ABCA4: variants seen among roughly 807,000 people sequenced by gnomAD.
ABCA4 encodes ATP binding cassette subfamily A member 4.
ABCA4 carries 196 observed loss-of-function variants against 263.7 expected under a neutral mutation model. The ratio of observed to expected loss-of-function variants is 0.74; its 90% confidence interval spans 0.66 to 0.84. The LOEUF is 0.84. Among genes scored for constraint, ABCA4 ranks in the 40% least tolerant of loss-of-function variants. The probability of loss-of-function intolerance (pLI) is 0.00; values close to 1 mark genes in which losing one functional copy is unlikely to be tolerated. For missense variants in ABCA4, 2,792 were observed against 2,855.1 expected (o/e 0.98, Z 0.50); for synonymous variants, 1,133 against 1,094.2 (o/e 1.04, Z -0.70).
intron 28 of ABCA4, 99 bp downstream of exon 28, chr1:94,030,897 A>G: frequency 6.5e-7 from 1 of 1,529,026 alleles, no homozygotes; most frequent in Middle Eastern, 2.2e-4. Context: ...TCATTGGTGA[A>G]GGTCCCAGTG....
intron 11 of ABCA4, among the ~76,000 whole-genome samples, chr1:94,073,454 A>G (rs982348565): frequency 6.6e-6 from 1 of 152,156 alleles, no homozygotes; most frequent in African/African-American, 2.4e-5. Flanking sequence ...GGAGGCACTA[A>G]CATCATTTCC....
intron 26 of ABCA4, among the ~76,000 whole-genome samples, chr1:94,034,968 T>G (rs1660302781): frequency 6.6e-6 from 1 of 152,182 alleles, no homozygotes. Flanking sequence ...ATTTTGCAGA[T>G]GGGGAAACAG....
Position 94,066,401 on chromosome 1 carries a change from A to G in ABCA4, c.1555-3084T>C, listed in dbSNP as rs182816737. Among the ~76,000 whole-genome samples, 45 of 152,382 alleles carry G rather than the reference A, an allele frequency of 3.0e-4. No individual in the cohort carries two copies. In the East Asian group the frequency reaches 8.3e-3, roughly 28 times the overall value. On this transcript the variant is annotated intron_variant, in intron 11 of 49. Coordinates refer to ENST00000370225, the MANE Select transcript of ABCA4 (RefSeq NM_000350.3). Reference sequence around the variant, plus strand: ...ATTGGTTTGTCAAGTTTAGAACTGCATATAGAGAATTTTAGTATTGGCAAT... The same window carrying G: ...ATTGGTTTGTCAAGTTTAGAACTGCGTATAGAGAATTTTAGTATTGGCAAT...
intron 46 of ABCA4, 34 bp from the exon 47 acceptor site, chr1:94,000,962 G>A (rs753202127): frequency 6.2e-7 from 1 of 1,613,906 alleles, no homozygotes; most frequent in South Asian, 1.1e-5. Context: ...GAGCAGGAGA[G>A]GATTCCCACC....
At chr1:94,115,721 G>GGTCAGGTTCAGAGATCCAGCAGCAGCCT (rs1662740851) in intron 1 of ABCA4, among the ~76,000 whole-genome samples, 1 of 152,200 alleles carries the variant, frequency 6.6e-6, no homozygotes, top group Admixed American at 6.5e-5. Context: ...ATAAACATGA[G>GGTCAGGTTCAGAGATCCAGCAGCAGCCT]CCATTTGTTA....
intron 30 of ABCA4, among the ~76,000 whole-genome samples, chr1:94,029,100 C>T (rs1357062508): frequency 5.4e-5 from 6 of 110,764 alleles, no homozygotes; most frequent in Admixed American, 5.0e-4. Context: ...GTGTTTATAT[C>T]CAAGCGATGA....
intron 11 of ABCA4, among the ~76,000 whole-genome samples, chr1:94,074,172 G>A (rs926502586): frequency 3.9e-5 from 6 of 152,128 alleles, no homozygotes; most frequent in African/African-American, 1.4e-4. Flanking sequence ...CAGACACATA[G>A]ACCAATGGAA....
intron 1 of ABCA4, among the ~76,000 whole-genome samples, chr1:94,116,590 C>G (rs922093149): frequency 6.6e-6 from 1 of 152,060 alleles, no homozygotes. Context: ...CTGCATTTCA[C>G]GCGTCACTCC....
intron 30 of ABCA4, among the ~76,000 whole-genome samples, chr1:94,026,986 GAGAA>G (rs1445205226): frequency 1.3e-5 from 2 of 151,936 alleles, no homozygotes; most frequent in African/African-American, 2.4e-5. Context: ...AAGAGATTGA[GAGAA>G]AGAGTGAGAA....
At position 94,055,236 on chromosome 1, in the gene ABCA4, C is replaced by G; in HGVS notation, c.2462G>C (p.Trp821Ser). 1 of 1,614,180 alleles carries G rather than the reference C, an allele frequency of 6.2e-7. No individual in the cohort carries two copies. The highest frequency in any genetic ancestry group is 1.1e-5 in the South Asian group (1 of 91,076). ...CGTGGGACTGTTCCCGATGTTGCTC[C>G]ACTGCAGCCCCAGGCCTTGCTCTTC... ...RFEEQGLGLQ[W>S]SNIGNSPTEG... is the part of the protein sequence containing the mutation. Residue 821 changes from tryptophan to serine, a missense_variant, in exon 16 of 50, where the codon TGG (tryptophan) becomes TCG (serine). Coordinates refer to ENST00000370225, the MANE Select transcript of ABCA4 (RefSeq NM_000350.3).
intron 8 of ABCA4, 149 bp downstream of exon 8, chr1:94,080,329 G>T: frequency 9.1e-7 from 1 of 1,101,866 alleles, no homozygotes; most frequent in South Asian, 1.3e-5. Context: ...GCAAGGGGAA[G>T]TGGACTTTCT....
At chr1:94,020,648 G>A (rs373881753) in intron 35 of ABCA4, among the ~76,000 whole-genome samples, 1 of 152,208 alleles carries the variant, frequency 6.6e-6, no homozygotes, top group African/African-American at 2.4e-5. Flanking sequence ...CTCAGCGTGT[G>A]CTAGGATAGT....
At position 94,101,642 on chromosome 1, in the gene ABCA4, GA is replaced by G. The variant is rs566952322; in HGVS notation, c.570+1372del. 3.3e-5 allele frequency among the ~76,000 whole-genome samples: 5 copies of G among 152,210 alleles called. No homozygotes were observed. The South Asian group carries it at 1.0e-3, about 32-fold the overall frequency. On this transcript the variant is annotated intron_variant, in intron 5 of 49. Coordinates refer to ENST00000370225, the MANE Select transcript of ABCA4 (RefSeq NM_000350.3). Reference sequence around the variant, plus strand: ...TGATCTCAGGGTTAACACAGGCTCTGAAGTTCTGTTTATGTCTCGTTCTCTC... The same window carrying G: ...TGATCTCAGGGTTAACACAGGCTCTGAGTTCTGTTTATGTCTCGTTCTCTC...
chr1:94,043,895 A>G (rs1260295835), intron 20 of ABCA4, among the ~76,000 whole-genome samples: 1 of 152,234 alleles, frequency 6.6e-6, no homozygotes, highest in African/African-American at 2.4e-5. Flanking sequence ...AAAATTATAT[A>G]CCAATGTTAT....
At chr1:94,097,920 T>TGTG (rs1557803084) in intron 6 of ABCA4, among the ~76,000 whole-genome samples, 9 of 151,786 alleles carry the variant, frequency 5.9e-5, no homozygotes, top group African/African-American at 2.2e-4. Flanking sequence ...TGGCTAATTT[T>TGTG]TGTGTGTGTG....
chr1:94,018,832 C>T (rs1411570010), intron 36 of ABCA4, among the ~76,000 whole-genome samples: 1 of 151,938 alleles, frequency 6.6e-6, no homozygotes, highest in Non-Finnish European at 1.5e-5. Context: ...CCCCACCAAC[C>T]TTGGTTGTCA....
At chr1:93,999,521 A>T (rs1659115987) in intron 47 of ABCA4, among the ~76,000 whole-genome samples, 1 of 147,698 alleles carries the variant, frequency 6.8e-6, no homozygotes, top group Admixed American at 6.6e-5. Context: ...GGCTTGGGCC[A>T]TTGGTGCTTT....
chr1:94,090,494 C>T (rs138927015), intron 6 of ABCA4, among the ~76,000 whole-genome samples: 3 of 152,258 alleles, frequency 2.0e-5, no homozygotes, highest in Admixed American at 1.3e-4. Context: ...CCCATTCTCA[C>T]TCTACCCCTA....
Position 94,000,944 on chromosome 1 carries a change from G to A in ABCA4, c.6387-16C>T, listed in dbSNP as rs1311943592. The stretch of plus-strand genomic sequence containing the variant: ...TTCTTCCATGCTGTGGGGCAGGAGA[G>A]AGGAGGTGAGCAGGAGAGGATTCCC... On this transcript the variant is annotated splice_polypyrimidine_tract_variant and intron_variant, in intron 46 of 49. Transcript: ENST00000370225. 1.2e-6 allele frequency: 2 copies of A among 1,614,082 alleles called. No individual in the cohort carries two copies. The highest frequency in any genetic ancestry group is 4.5e-5 in the East Asian group (2 of 44,896).
Sources: gnomAD v4.1 joint callset for allele counts (sites outside exome capture counted in the v4.1 genomes callset) on GRCh38, gnomAD v4.1.1 for gene constraint, MANE v1.5 for transcripts, NCBI Gene and HGNC (gene_info 2026-07-23, HGNC 2026-07-21) for gene names.